CSMD1: variants seen among roughly 807,000 people sequenced by gnomAD.
CSMD1 encodes the protein CUB and Sushi multiple domains 1, also known as CUB and sushi domain-containing protein 1.
CSMD1 carries 213 observed loss-of-function variants against 417.5 expected under a neutral mutation model. That is an observed-to-expected ratio of 0.51 (90% CI 0.46 to 0.57). The LOEUF (loss-of-function observed/expected upper bound fraction) is 0.57. CSMD1 is among the 20% of genes least tolerant of loss of function. The pLI is 0.00. For missense variants in CSMD1, 6,923 were observed against 4,529.7 expected, an observed-to-expected ratio of 1.53 and a Z score of -15.17; for synonymous variants, 2,862 against 1,736.8, an observed-to-expected ratio of 1.65 and a Z score of -16.11.
chr8:2,985,945 G>A (rs1379323756), intron 54 of CSMD1, among the ~76,000 whole-genome samples: 2 of 135,802 alleles, frequency 1.5e-5, no homozygotes, highest in Non-Finnish European at 3.2e-5. Context: ...GGAAGGGAAG[G>A]GGAAGGGGAA....
At position 4,286,080 on chromosome 8, in the gene CSMD1, G is replaced by A. The variant is rs11985183; in HGVS notation, c.415+133873C>T. On this transcript the variant is annotated intron_variant, in intron 3 of 69. Transcript: ENST00000635120. ...TCCCTAAGTCCGAAATACAGCTGGA[G>A]AAATACACATTATTCTTTATGTGAC... Among the ~76,000 whole-genome samples, 876 of 152,206 alleles carry A rather than the reference G, an allele frequency of 5.8e-3. 7 individuals carry two copies. The highest frequency in any genetic ancestry group is 0.02 in the African/African-American group (843 of 41,534).
At chr8:3,717,178 C>A (rs1334390194) in intron 6 of CSMD1, among the ~76,000 whole-genome samples, 1 of 152,100 alleles carries the variant, frequency 6.6e-6, no homozygotes, top group Non-Finnish European at 1.5e-5. Context: ...ATAATTATTA[C>A]ATTTTTTCAT....
In CSMD1 at chr8:3,575,056, A is replaced by G. The variant is rs778455859; in HGVS notation, c.1233T>C (p.Cys411=). ...CGCTGGGCCCACGCAGATTGGATCC[A>G]CATGTTCTCGCTGGAAACACATAGA... ...DHRPICRART[C]GSNLRGPSGV... is the part of the protein sequence containing the mutation. The change falls in exon 10 of 70, where the codon TGT becomes TGC. Residue 411 remains cysteine, a synonymous_variant. Transcript: ENST00000635120. 2 of 1,613,306 alleles carry G rather than the reference A, an allele frequency of 1.2e-6. No homozygotes were observed. The highest frequency in any genetic ancestry group is 1.1e-5 in the South Asian group (1 of 91,034).
At chr8:4,334,361 C>T (rs533053875) in intron 3 of CSMD1, among the ~76,000 whole-genome samples, 238 of 152,168 alleles carry the variant, frequency 1.6e-3, no homozygotes, top group African/African-American at 5.4e-3. Flanking sequence ...AGCAGGTGAC[C>T]CTCCCTTAGG....
intron 5 of CSMD1, among the ~76,000 whole-genome samples, chr8:3,895,969 G>A (rs1437992838): frequency 6.6e-6 from 1 of 152,164 alleles, no homozygotes; most frequent in Admixed American, 6.5e-5. Flanking sequence ...AGATAGTCCT[G>A]TTAACCTCCC....
intron 10 of CSMD1, among the ~76,000 whole-genome samples, chr8:3,558,998 C>A (rs1428123670): frequency 2.6e-5 from 4 of 152,194 alleles, no homozygotes; most frequent in Non-Finnish European, 5.9e-5. Flanking sequence ...AGAAGTGGGA[C>A]TGCCGTGGTG....
In CSMD1 at chr8:3,581,341, G is replaced by T. The variant is rs577038715; in HGVS notation, c.1222+4795C>A. On this transcript the variant is annotated intron_variant, in intron 9 of 69. Coordinates refer to ENST00000635120, the MANE Select transcript of CSMD1 (RefSeq NM_033225.6). ...TTTCATATTCCTAAATGAAGTAAGC[G>T]TAATTCCAAACAAAATCACTTGTAT... 1.3e-4 allele frequency among the ~76,000 whole-genome samples: 20 copies of T among 152,286 alleles called. 1 individual carries two copies. In the South Asian group the frequency reaches 4.1e-3, roughly 32 times the overall value.
intron 5 of CSMD1, among the ~76,000 whole-genome samples, chr8:3,989,206 C>T (rs535224589): frequency 3.4e-4 from 52 of 152,266 alleles, no homozygotes; most frequent in African/African-American, 1.2e-3. Flanking sequence ...AGGGATGTGG[C>T]AATCACTTCT....
chr8:4,235,782 T>G (rs150455838), intron 3 of CSMD1, among the ~76,000 whole-genome samples: 3 of 152,330 alleles, frequency 2.0e-5, no homozygotes, highest in African/African-American at 7.2e-5. Context: ...CTAGTCTTTT[T>G]CTTTTTTTCT....
intron 3 of CSMD1, among the ~76,000 whole-genome samples, chr8:4,129,955 A>G (rs1802995605): frequency 6.6e-6 from 1 of 151,882 alleles, no homozygotes; most frequent in South Asian, 2.1e-4. Context: ...TATCTTGCAA[A>G]TTTTCAGTTT....
At chr8:4,455,062 G>A (rs1799385647) in intron 2 of CSMD1, among the ~76,000 whole-genome samples, 1 of 152,088 alleles carries the variant, frequency 6.6e-6, no homozygotes, top group Non-Finnish European at 1.5e-5. Flanking sequence ...TGTTTAGGCT[G>A]GGAAACTTCG....
intron 3 of CSMD1, among the ~76,000 whole-genome samples, chr8:4,138,281 G>T (rs200743873): frequency 8.0e-5 from 7 of 87,198 alleles, no homozygotes; most frequent in African/African-American, 2.1e-4. Flanking sequence ...AAACTAAATG[G>T]CAAGATGCAG....
At chr8:3,999,532 A>G (rs956617481) in intron 4 of CSMD1, among the ~76,000 whole-genome samples, 34 of 152,190 alleles carry the variant, frequency 2.2e-4, no homozygotes, top group African/African-American at 8.0e-4. Flanking sequence ...AGAGGGTGAT[A>G]TAGGTCCCTT....
intron 1 of CSMD1, among the ~76,000 whole-genome samples, chr8:4,758,952 G>GT (rs1177385034): frequency 6.6e-6 from 1 of 152,282 alleles, no homozygotes; most frequent in Admixed American, 6.5e-5. Context: ...ACGGTGGAGG[G>GT]TTTGCCTGTT....
chr8:3,161,392 G>A (rs972643694), intron 38 of CSMD1, among the ~76,000 whole-genome samples: 2 of 152,080 alleles, frequency 1.3e-5, no homozygotes, highest in African/African-American at 2.4e-5. Flanking sequence ...CAAGGCAGGT[G>A]GATCACCTGA....
chr8:4,609,110 G>T (rs1801035312), intron 2 of CSMD1, among the ~76,000 whole-genome samples: 1 of 152,156 alleles, frequency 6.6e-6, no homozygotes, highest in East Asian at 1.9e-4. Flanking sequence ...TCCTCAAGAT[G>T]AAATACTCGC....
At chr8:4,380,283 G>A (rs540582699) in intron 3 of CSMD1, among the ~76,000 whole-genome samples, 4 of 152,060 alleles carry the variant, frequency 2.6e-5, no homozygotes, top group Admixed American at 1.3e-4. Context: ...GGTGACTAAG[G>A]TCAGCATCTG....
chr8:4,677,297 G>A (rs973581358), intron 1 of CSMD1, among the ~76,000 whole-genome samples: 1 of 151,772 alleles, frequency 6.6e-6, no homozygotes, highest in Admixed American at 6.6e-5. Context: ...AAATTAAAGT[G>A]AAGAAAGAAA....
intron 1 of CSMD1, among the ~76,000 whole-genome samples, chr8:4,893,914 C>T (rs1343019662): frequency 6.6e-6 from 1 of 151,978 alleles, no homozygotes; most frequent in Admixed American, 6.6e-5. Context: ...GGGGCAATGT[C>T]TTTTTCGCAA....
Sources: allele counts gnomAD v4.1 joint callset (sites outside exome capture counted in the v4.1 genomes callset), GRCh38; gene constraint gnomAD v4.1.1; transcripts MANE v1.5; gene names NCBI Gene and HGNC (gene_info 2026-07-23, HGNC 2026-07-21).